The following CEP85L variants were observed in gnomAD, a reference collection of about 807,000 sequenced individuals.
CEP85L encodes the protein centrosomal protein of 85 kDa-like.
CEP85L carries 60 observed loss-of-function variants against 100.3 expected under a neutral mutation model. The ratio of observed to expected loss-of-function variants is 0.60; its 90% CI spans 0.49 to 0.74. The LOEUF is 0.74. CEP85L is among the 30% of genes least tolerant of loss of function. CEP85L has a pLI of 0.00. For synonymous variants in CEP85L, 319 were observed against 322.7 expected, an observed-to-expected ratio of 0.99 and a Z score of 0.12; for missense variants, 973 against 936.2, an observed-to-expected ratio of 1.04 and a Z score of -0.51.
chr6:118,647,167 C>T, intron 1 of CEP85L: 1 of 531,180 alleles, frequency 1.9e-6, no homozygotes, highest in Non-Finnish European at 2.4e-6. Context: ...GTAACCATAC[C>T]AGTTATTACC....
intron 1 of CEP85L, among the ~76,000 whole-genome samples, chr6:118,644,665 G>A (rs1259757469): frequency 5.3e-5 from 8 of 152,014 alleles, no homozygotes; most frequent in African/African-American, 1.7e-4. Flanking sequence ...CCAAAATCAA[G>A]ATGTCATTTT....
intron 1 of CEP85L, among the ~76,000 whole-genome samples, chr6:118,709,235 C>T (rs1023010142): frequency 3.3e-5 from 5 of 152,146 alleles, no homozygotes; most frequent in African/African-American, 1.2e-4. Flanking sequence ...TGCTGCCTGG[C>T]TTTACTCCCA....
Position 118,481,795 on chromosome 6 carries a change from C to T in CEP85L, c.1729G>A (p.Val577Ile). The T allele has an allele frequency of 1.3e-6, 2 of 1,583,302 alleles. No individual in the cohort carries two copies. The highest frequency in any genetic ancestry group is 1.7e-6 in the Non-Finnish European group (2 of 1,166,260). The part of the protein sequence containing the change: ...ICQKKKEKEL[V>I]TTVQSLQQKV... ...TTTTCTTACCTCTGAACGGTAGTTA[C>T]TAACTCCTTTTCTTTCTTTTTCTGG... The change falls in exon 8 of 13, where the codon GTA becomes ATA. Residue 577 changes from valine to isoleucine, a missense_variant. By Grantham distance (29) the Val-to-Ile change is conservative. Around this residue, in one of 3 missense-constraint regions of CEP85L, gnomAD observed 890 missense variants for 844.5 expected, o/e 1.05. Transcript: ENST00000368491.
At position 118,651,406 on chromosome 6, in the gene CEP85L, C is replaced by G. The variant is rs1417864266; in HGVS notation, c.-137G>C. The G allele has an allele frequency of 8.2e-6, 11 of 1,349,138 alleles. No homozygotes were observed. The highest frequency in any genetic ancestry group is 1.0e-5 in the Non-Finnish European group (11 of 1,053,992). The allele number at this position is 1,349,138 out of a possible 1,614,324, so 83.6% of individuals were successfully genotyped here. On this transcript the variant is annotated 5_prime_UTR_variant, in exon 1 of 13. Transcript: ENST00000368491. ...GAGGAAAGGCGGGATGGCTGGTTAA[C>G]GGCTGCTCAGCTACGGGCGGGGAGC...
Position 118,483,711 on chromosome 6 carries a change from G to C in CEP85L, c.1585C>G (p.Leu529Val), listed in dbSNP as rs747968903. 6.2e-7 allele frequency: 1 copy of C among 1,609,932 alleles called. No homozygotes were observed. The highest frequency in any genetic ancestry group is 8.5e-7 in the Non-Finnish European group (1 of 1,178,688). The part of the protein sequence containing the change: ...PTLDDVQSQS[L>V]QLQILEEKNK... ...AGCATTTTATTTCATGTTACCTGTA[G>C]ACTCTGACTCTGTACATCATCTAGA... The change falls in exon 7 of 13, where the codon CTA becomes GTA. Residue 529 changes from leucine to valine, a missense_variant. Transcript: ENST00000368491.
intron 2 of CEP85L, among the ~76,000 whole-genome samples, chr6:118,629,342 A>T (rs1773996779): frequency 6.6e-6 from 1 of 152,202 alleles, no homozygotes; most frequent in African/African-American, 2.4e-5. Flanking sequence ...TAAGAAAACT[A>T]ACAACCCAAT....
intron 4 of CEP85L, among the ~76,000 whole-genome samples, chr6:118,514,859 C>T (rs927725633): frequency 7.9e-5 from 12 of 151,708 alleles, no homozygotes; most frequent in African/African-American, 2.9e-4. Flanking sequence ...GGCTGGAAGG[C>T]AGCGGTGTGA....
At chr6:118,695,445 C>T (rs1777173877) in intron 1 of CEP85L, among the ~76,000 whole-genome samples, 1 of 152,202 alleles carries the variant, frequency 6.6e-6, no homozygotes, top group Non-Finnish European at 1.5e-5. Flanking sequence ...CAAACTTTAA[C>T]ATGCACCAAT....
chr6:118,687,556 T>C (rs932344933), intron 1 of CEP85L, among the ~76,000 whole-genome samples: 1 of 152,134 alleles, frequency 6.6e-6, no homozygotes, highest in African/African-American at 2.4e-5. Flanking sequence ...GGTAAAGAAA[T>C]AGCCAATCAT....
intron 2 of CEP85L, among the ~76,000 whole-genome samples, chr6:118,614,865 CAG>C (rs781072805): frequency 6.7e-6 from 1 of 149,860 alleles, no homozygotes; most frequent in African/African-American, 2.5e-5. Context: ...GACAGACAGA[CAG>C]ATAGATAGAT....
intron 5 of CEP85L, chr6:118,502,577 C>T (rs137916843): frequency 5.4e-4 from 253 of 471,044 alleles, no homozygotes; most frequent in African/African-American, 4.2e-3. Flanking sequence ...CAAACTTTGG[C>T]GCTCCGGTTG....
chr6:118,558,778 T>C (rs1340270663), intron 3 of CEP85L: 1 of 696,600 alleles, frequency 1.4e-6, no homozygotes, highest in Non-Finnish European at 2.6e-6. Context: ...GTTCTGAGGA[T>C]AGGTTACATA....
At chr6:118,506,525 T>C (rs1348280681) in intron 5 of CEP85L, among the ~76,000 whole-genome samples, 1 of 152,232 alleles carries the variant, frequency 6.6e-6, no homozygotes, top group South Asian at 2.1e-4. Context: ...GCTAATGTAG[T>C]AGGTAACCCT....
At chr6:118,680,451 A>C in intron 1 of CEP85L, among the ~76,000 whole-genome samples, 1 of 151,442 alleles carries the variant, frequency 6.6e-6, no homozygotes, top group East Asian at 1.9e-4. Context: ...CTATCATTTT[A>C]GTTTATGCAT....
intron 1 of CEP85L, among the ~76,000 whole-genome samples, chr6:118,680,815 G>T (rs2638544): frequency 6.6e-6 from 1 of 151,626 alleles, no homozygotes; most frequent in Non-Finnish European, 1.5e-5. Context: ...GGTCGAGGCT[G>T]CAGTGAGCCA....
intron 2 of CEP85L, among the ~76,000 whole-genome samples, chr6:118,586,989 T>C (rs1477472476): frequency 6.6e-6 from 1 of 152,198 alleles, no homozygotes; most frequent in East Asian, 1.9e-4. Context: ...ACATGAGCAT[T>C]TTACTATCAC....
At chr6:118,599,589 C>A (rs912886704) in intron 2 of CEP85L, among the ~76,000 whole-genome samples, 2 of 152,168 alleles carry the variant, frequency 1.3e-5, no homozygotes, top group Middle Eastern at 3.4e-3. Context: ...CAGTGACTTG[C>A]TTCCAAAAAA....
At chr6:118,657,595 G>A (rs913297986) in intron 1 of CEP85L, among the ~76,000 whole-genome samples, 1 of 152,172 alleles carries the variant, frequency 6.6e-6, no homozygotes, top group Non-Finnish European at 1.5e-5. Context: ...CAGCCTGAGC[G>A]ACAGAGTGAG....
At chr6:118,633,501 G>A (rs1046045136) in intron 1 of CEP85L, among the ~76,000 whole-genome samples, 1 of 152,184 alleles carries the variant, frequency 6.6e-6, no homozygotes, top group Admixed American at 6.5e-5. Context: ...ACCGCGCCCA[G>A]CTAGATTTGT....
Sources: allele counts gnomAD v4.1 joint callset (sites outside exome capture counted in the v4.1 genomes callset), GRCh38; gene constraint gnomAD v4.1.1; regional missense constraint gnomAD v4.1.1; transcripts MANE v1.5; gene names NCBI Gene and HGNC (gene_info 2026-07-23, HGNC 2026-07-21).